The following CELF2 variants were observed in gnomAD, a reference collection of about 807,000 sequenced individuals.
The protein encoded by CELF2 is CUG triplet repeat RNA-binding protein 2.
CELF2 carries 8 observed loss-of-function variants against 62.6 expected under a neutral mutation model. The ratio of observed to expected loss-of-function variants is 0.13; its 90% CI spans 0.07 to 0.23. The LOEUF is 0.23. Among genes scored for constraint, CELF2 ranks in the 10% least tolerant of loss-of-function variants. The probability of loss-of-function intolerance (pLI) is 1.00; values close to 1 mark genes in which losing one functional copy is unlikely to be tolerated. For missense variants in CELF2, 333 were observed against 671.0 expected (o/e 0.50, Z 5.56); for synonymous variants, 258 against 250.0 (o/e 1.03, Z -0.30).
Position 11,217,353 on chromosome 10 carries a change from C to T in CELF2, c.272-72C>T, listed in dbSNP as rs997196972. 1.9e-5 allele frequency: 19 copies of T among 1,006,770 alleles called. No individual in the cohort carries two copies. Among genetic ancestry groups the T allele is most frequent in the Non-Finnish European group, 2.6e-5 (17 of 659,196 alleles). 62.4% of individuals were successfully genotyped at this position (1,006,770 alleles called of 1,614,324 possible). A position where few individuals can be genotyped will look rare whatever the true frequency, so the allele number is the denominator to read the frequency against. On this transcript the variant is annotated intron_variant, in intron 2 of 12. Transcript: ENST00000633077. This position sits in a 1 kb window ranked among gnomAD's most constrained non-coding sequence, Gnocchi z 5.6. ...CGTCCTTTTAAGTAGATTGTTTGTT[C>T]GCCACAGTCTCCATTATATCTAAGC...
chr10:10,753,433 G>T, the CELF2 span, among the ~76,000 whole-genome samples: 2 of 152,104 alleles, frequency 1.3e-5, no homozygotes, highest in East Asian at 3.9e-4. Flanking sequence ...GCTCAAAGTT[G>T]CAAGCATTCC....
intron 1 of CELF2, among the ~76,000 whole-genome samples, chr10:11,049,199 T>C (rs1291880): frequency 0.66 from 98,769 of 148,600 alleles, 34,316 homozygotes; most frequent in African/African-American, 0.87. Flanking sequence ...TAGCTGCACT[T>C]GTTAGTATGC....
chr10:11,136,289 G>C (rs571146762), intron 1 of CELF2, among the ~76,000 whole-genome samples: 30 of 152,290 alleles, frequency 2.0e-4, no homozygotes, highest in African/African-American at 7.2e-4. Flanking sequence ...TTATATTCTG[G>C]CTGGGAAAAC....
rs1327384934 is a variant in CELF2 at position 11,321,701 on chromosome 10, CA to C, written c.1294+319del. On this transcript the variant is annotated intron_variant, in intron 11 of 12. Coordinates refer to ENST00000633077, the MANE Select transcript of CELF2 (RefSeq NM_001326342.2). The surrounding 1 kb of genome is among the most constrained non-coding windows in gnomAD (Gnocchi z 6.2). Reference sequence around the variant, plus strand: ...CACAGACATACCCCTCTCTCTCAAACAAAAGCAAAAACCTATTTATTTCAGT... The same window carrying C: ...CACAGACATACCCCTCTCTCTCAAACAAAGCAAAAACCTATTTATTTCAGT... Among the ~76,000 whole-genome samples, 2 of 152,086 alleles carry C rather than the reference CA, an allele frequency of 1.3e-5. No individual in the cohort carries two copies. Among genetic ancestry groups the C allele is most frequent in the Non-Finnish European group, 2.9e-5 (2 of 68,000 alleles).
In CELF2 at chr10:11,330,781, T is replaced by C. The variant is rs1338611189; in HGVS notation, c.*1728T>C. 1 of 152,608 alleles carries C rather than the reference T, an allele frequency of 6.6e-6. No homozygotes were observed. Among genetic ancestry groups the C allele is most frequent in the Non-Finnish European group, 1.5e-5 (1 of 68,036 alleles). The allele number at this position is 152,608 out of a possible 1,614,324, so 9.5% of individuals were successfully genotyped here. ...TTTTCCTAAAACAGACTTGAAAGTA[T>C]TATACAGGGATTGGCATTCTTCCCG... On this transcript the variant is annotated 3_prime_UTR_variant, in exon 13 of 13. Coordinates refer to ENST00000633077, the MANE Select transcript of CELF2 (RefSeq NM_001326342.2). This position sits in a 1 kb window ranked among gnomAD's most constrained non-coding sequence, Gnocchi z 4.5.
chr10:11,334,898 A>C lies in CELF2; in HGVS notation c.*5845A>C, dbSNP rs1344590402. 6.6e-6 allele frequency: 1 copy of C among 152,244 alleles called. No homozygotes were observed. Among genetic ancestry groups the C allele is most frequent in the Non-Finnish European group, 1.5e-5 (1 of 68,040 alleles). 9.4% of individuals were successfully genotyped at this position (152,244 alleles called of 1,614,324 possible). On this transcript the variant is annotated 3_prime_UTR_variant, in exon 13 of 13. Coordinates refer to ENST00000633077, the MANE Select transcript of CELF2 (RefSeq NM_001326342.2). ...CTTAAGTCTATTATTTGTTGCCCTC[A>C]ATCAAAAGATATGTATAGAAAAGTC...
the CELF2 span, among the ~76,000 whole-genome samples, chr10:10,598,879 G>T: frequency 6.9e-6 from 1 of 144,308 alleles, no homozygotes; most frequent in Non-Finnish European, 1.5e-5. Flanking sequence ...CAGCCTCCCC[G>T]GTAGCTAGGA....
the CELF2 span, among the ~76,000 whole-genome samples, chr10:10,780,897 C>T: frequency 2.6e-5 from 4 of 152,214 alleles, no homozygotes; most frequent in Admixed American, 1.3e-4. Context: ...AATTAACATG[C>T]CAATGAGTAT....
chr10:10,488,875 G>C, the CELF2 span, among the ~76,000 whole-genome samples: 2 of 151,924 alleles, frequency 1.3e-5, no homozygotes, highest in South Asian at 2.1e-4. Context: ...AAGGAGCTTG[G>C]GATCAAAATC....
chr10:11,218,141 A>G (rs2063813094), intron 3 of CELF2, among the ~76,000 whole-genome samples: 1 of 152,206 alleles, frequency 6.6e-6, no homozygotes, highest in Admixed American at 6.5e-5. Context: ...ACCAGAATAC[A>G]GTTTTTCTAA....
chr10:10,574,591 A>G, the CELF2 span, among the ~76,000 whole-genome samples: 2 of 152,324 alleles, frequency 1.3e-5, no homozygotes, highest in South Asian at 4.1e-4. Context: ...AATAGTGACA[A>G]ACAGGAAAGA....
the CELF2 span, among the ~76,000 whole-genome samples, chr10:10,783,495 G>T: frequency 6.6e-6 from 1 of 152,166 alleles, no homozygotes; most frequent in Admixed American, 6.5e-5. Flanking sequence ...CCGACACCAT[G>T]ATCTTAGACT....
chr10:10,586,910 T>C, the CELF2 span, among the ~76,000 whole-genome samples: 1 of 152,182 alleles, frequency 6.6e-6, no homozygotes, highest in Non-Finnish European at 1.5e-5. Context: ...CTTTAATGTT[T>C]CTTCCTGCTC....
chr10:10,656,631 A>G, the CELF2 span, among the ~76,000 whole-genome samples: 6 of 125,328 alleles, frequency 4.8e-5, no homozygotes, highest in South Asian at 7.6e-4. Context: ...ACAAAAAACC[A>G]AACAGCGCAT....
chr10:11,309,131 C>T lies in CELF2; in HGVS notation c.977-5008C>T, dbSNP rs2140401016. 6.6e-6 allele frequency among the ~76,000 whole-genome samples: 1 copy of T among 152,308 alleles called. No individual in the cohort carries two copies. The highest frequency in any genetic ancestry group is 6.5e-5 in the Admixed American group (1 of 15,302). On this transcript the variant is annotated intron_variant, in intron 9 of 12. Transcript: ENST00000633077. This position sits in a 1 kb window ranked among gnomAD's most constrained non-coding sequence, Gnocchi z 5.6. ...AGTCTAACATCTGGGCCCTCTTACG[C>T]ACAGTTTCTGTTGTCTGCTGTCTGC...
At chr10:10,889,659 C>G (rs1450972223) in intron 1 of CELF2, among the ~76,000 whole-genome samples, 1 of 152,188 alleles carries the variant, frequency 6.6e-6, no homozygotes, top group Admixed American at 6.5e-5. Flanking sequence ...GCAGATCTAG[C>G]TAGCCTGGCA....
intron 1 of CELF2, among the ~76,000 whole-genome samples, chr10:10,909,444 A>C (rs569108966): frequency 6.6e-6 from 1 of 152,216 alleles, no homozygotes; most frequent in East Asian, 1.9e-4. Flanking sequence ...TTCATTCTGG[A>C]TGGAGTCTTT....
the CELF2 span, among the ~76,000 whole-genome samples, chr10:10,533,417 A>G: frequency 0.67 from 102,152 of 152,108 alleles, 34,564 homozygotes; most frequent in East Asian, 0.86. Flanking sequence ...ATGGAGACAT[A>G]GGAAGGTACA....
At chr10:11,218,939 A>G (rs944516497) in intron 3 of CELF2, among the ~76,000 whole-genome samples, 2 of 152,220 alleles carry the variant, frequency 1.3e-5, no homozygotes, top group African/African-American at 4.8e-5. Flanking sequence ...CCAATAATAG[A>G]TGAAAATCAT....
Sources: gnomAD v4.1 joint callset for allele counts (sites outside exome capture counted in the v4.1 genomes callset) on GRCh38, gnomAD v4.1.1 for gene constraint, Gnocchi (gnomAD v3.1) non-coding constraint, MANE v1.5 for transcripts, NCBI Gene and HGNC (gene_info 2026-07-23, HGNC 2026-07-21) for gene names.